The following ZNF804A variants were observed in gnomAD, a reference collection of about 807,000 sequenced individuals.
ZNF804A encodes the protein zinc finger protein 804A.
In ZNF804A, 2 loss-of-function variants were observed where a neutral mutation model predicts 16.5. The ratio of observed to expected loss-of-function variants is 0.12; its 90% CI spans 0.05 to 0.38. ZNF804A has a LOEUF of 0.38. Among genes scored for constraint, ZNF804A ranks in the 10% least tolerant of loss-of-function variants. The pLI, the probability that ZNF804A is intolerant of heterozygous loss-of-function variation, is 0.99. For synonymous variants in ZNF804A, 534 were observed against 489.6 expected (o/e 1.09, Z -1.20); for missense variants, 1,473 against 1,390.7 (o/e 1.06, Z -0.94).
In ZNF804A at chr2:184,719,315, G is replaced by C. The variant is rs563211269; in HGVS notation, c.111+120245G>C. On this transcript the variant is annotated intron_variant, in intron 1 of 3. Transcript: ENST00000302277. ...TTTTTTCTCTTACACTTTCAGGCCT[G>C]TAATGGGAGGGGCTGCCACAAAGGT... is the stretch of plus-strand genomic sequence containing the variant. Among the ~76,000 whole-genome samples, 4 of 152,086 alleles carry C rather than the reference G, an allele frequency of 2.6e-5. No individual in the cohort carries two copies. In the East Asian group the frequency reaches 7.8e-4, roughly 30 times the overall value.
intron 1 of ZNF804A, among the ~76,000 whole-genome samples, chr2:184,769,469 G>A (rs887449052): frequency 6.6e-6 from 1 of 152,038 alleles, no homozygotes. Flanking sequence ...CAAGAGCACA[G>A]CAGGTATCTC....
intron 2 of ZNF804A, among the ~76,000 whole-genome samples, chr2:184,881,161 G>A (rs1330270278): frequency 6.6e-6 from 1 of 151,940 alleles, no homozygotes; most frequent in East Asian, 1.9e-4. Flanking sequence ...AGCTGAGGAA[G>A]GAATCTCAGA....
intron 2 of ZNF804A, among the ~76,000 whole-genome samples, chr2:184,931,980 T>C (rs1226478072): frequency 6.6e-6 from 1 of 152,204 alleles, no homozygotes; most frequent in Admixed American, 6.5e-5. Flanking sequence ...ATCAGTCTTT[T>C]TGCTAAAGCA....
intron 1 of ZNF804A, among the ~76,000 whole-genome samples, chr2:184,751,622 A>T (rs1013550239): frequency 2.0e-5 from 3 of 151,676 alleles, no homozygotes; most frequent in Non-Finnish European, 4.4e-5. Flanking sequence ...AATGAAGCAA[A>T]GATAGACAAG....
intron 1 of ZNF804A, among the ~76,000 whole-genome samples, chr2:184,782,536 T>C (rs1694385673): frequency 6.6e-6 from 1 of 151,596 alleles, no homozygotes; most frequent in South Asian, 2.1e-4. Flanking sequence ...TTCCTGCCCT[T>C]GAACATTAGA....
At chr2:184,688,344 C>CTG (rs58942655) in intron 1 of ZNF804A, among the ~76,000 whole-genome samples, 34,687 of 147,184 alleles carry the variant, frequency 0.24, 5,484 homozygotes, top group African/African-American at 0.46. Context: ...CTCTCTCTTT[C>CTG]TGTGTGTGTG....
At chr2:184,846,475 T>A (rs1018212891) in intron 1 of ZNF804A, among the ~76,000 whole-genome samples, 1 of 152,148 alleles carries the variant, frequency 6.6e-6, no homozygotes, top group African/African-American at 2.4e-5. Flanking sequence ...AATCTACTTA[T>A]ATAAAATTTT....
intron 1 of ZNF804A, among the ~76,000 whole-genome samples, chr2:184,716,013 G>T (rs963311700): frequency 6.6e-6 from 1 of 152,128 alleles, no homozygotes. Flanking sequence ...TTGGGAGAAT[G>T]AGCCCAACCA....
intron 1 of ZNF804A, among the ~76,000 whole-genome samples, chr2:184,658,255 T>G (rs1692113993): frequency 6.6e-6 from 1 of 152,102 alleles, no homozygotes; most frequent in African/African-American, 2.4e-5. Context: ...AGGCCAAGGC[T>G]GGTGGGTCAA....
chr2:184,732,233 A>C (rs148326648), intron 1 of ZNF804A, among the ~76,000 whole-genome samples: 10 of 135,614 alleles, frequency 7.4e-5, no homozygotes, highest in African/African-American at 2.5e-4. Flanking sequence ...TGAAGGGTGT[A>C]AGGTTTGTGT....
At chr2:184,677,452 G>A (rs1465716184) in intron 1 of ZNF804A, among the ~76,000 whole-genome samples, 2 of 151,834 alleles carry the variant, frequency 1.3e-5, no homozygotes, top group East Asian at 1.9e-4. Context: ...GACAGTACAC[G>A]GTCATCTGAG....
At chr2:184,795,182 C>T (rs1401143308) in intron 1 of ZNF804A, among the ~76,000 whole-genome samples, 1 of 152,014 alleles carries the variant, frequency 6.6e-6, no homozygotes. Context: ...CAAAATGAGC[C>T]TAAATAAATT....
intron 1 of ZNF804A, among the ~76,000 whole-genome samples, chr2:184,718,776 C>A (rs557333371): frequency 6.6e-6 from 1 of 152,148 alleles, no homozygotes; most frequent in Admixed American, 6.5e-5. Flanking sequence ...TATAGCCTCC[C>A]TCCTGGCTGC....
Position 184,759,693 on chromosome 2 carries a change from C to A in ZNF804A, c.112-106676C>A, listed in dbSNP as rs376275902. 2.8e-4 allele frequency among the ~76,000 whole-genome samples: 43 copies of A among 152,004 alleles called. No individual in the cohort carries two copies. The East Asian group carries it at 6.1e-3, about 21-fold the overall frequency. On this transcript the variant is annotated intron_variant, in intron 1 of 3. Transcript: ENST00000302277. ...ACCTGCACCTATACATCCAGATGACCTGAAGTAACTGAAGAATCACAAAAG... is the reference window on the plus strand; with the variant it reads ...ACCTGCACCTATACATCCAGATGACATGAAGTAACTGAAGAATCACAAAAG...
At chr2:184,855,696 G>A (rs1300785165) in intron 1 of ZNF804A, among the ~76,000 whole-genome samples, 2 of 151,928 alleles carry the variant, frequency 1.3e-5, no homozygotes, top group Non-Finnish European at 2.9e-5. Flanking sequence ...GTGGGTGGGT[G>A]TGGAAGGTTT....
chr2:184,680,862 G>T (rs911866003), intron 1 of ZNF804A, among the ~76,000 whole-genome samples: 1 of 152,254 alleles, frequency 6.6e-6, no homozygotes, highest in African/African-American at 2.4e-5. Flanking sequence ...CCCCAAGCCA[G>T]GGCTGTGACA....
At chr2:184,873,865 A>G (rs2105814560) in intron 2 of ZNF804A, among the ~76,000 whole-genome samples, 1 of 152,298 alleles carries the variant, frequency 6.6e-6, no homozygotes, top group African/African-American at 2.4e-5. Flanking sequence ...AATATTACAC[A>G]TCATTTTTGA....
chr2:184,665,906 C>T (rs1692247510), intron 1 of ZNF804A, among the ~76,000 whole-genome samples: 1 of 152,180 alleles, frequency 6.6e-6, no homozygotes, highest in South Asian at 2.1e-4. Context: ...CTCTGGATTC[C>T]TTTCCTGCCT....
intron 2 of ZNF804A, among the ~76,000 whole-genome samples, chr2:184,915,306 A>G (rs1685427358): frequency 6.6e-6 from 1 of 152,138 alleles, no homozygotes; most frequent in Non-Finnish European, 1.5e-5. Flanking sequence ...AGAATATCTC[A>G]AATATTTTAC....
Sources: gnomAD v4.1 joint callset for allele counts (sites outside exome capture counted in the v4.1 genomes callset) on GRCh38, gnomAD v4.1.1 for gene constraint, MANE v1.5 for transcripts, NCBI Gene and HGNC (gene_info 2026-07-23, HGNC 2026-07-21) for gene names.